The following KCND3 variants were observed in gnomAD, a reference collection of about 807,000 sequenced individuals.
KCND3 encodes the protein A-type voltage-gated potassium channel KCND3.
KCND3 carries 9 observed loss-of-function variants against 51.1 expected under a neutral mutation model. The observed-to-expected ratio is 0.18, with a 90% confidence interval of 0.11 to 0.31. The LOEUF is 0.31. Among genes scored for constraint, KCND3 ranks in the 10% least tolerant of loss-of-function variants. The pLI is 1.00. For missense variants in KCND3, 526 were observed against 903.8 expected, an observed-to-expected ratio of 0.58 and a Z score of 5.36; for synonymous variants, 349 against 368.0, an observed-to-expected ratio of 0.95 and a Z score of 0.59.
chr1:111,967,401 C>T (rs1000648455), intron 2 of KCND3, among the ~76,000 whole-genome samples: 11 of 152,158 alleles, frequency 7.2e-5, no homozygotes, highest in South Asian at 2.1e-4. Context: ...CCTGGCCCAA[C>T]GAGAGGCATC....
rs769492525 is a variant in KCND3 at position 111,982,427 on chromosome 1, C to T, written c.300G>A (p.Thr100=). The T allele has an allele frequency of 8.1e-6, 13 of 1,614,076 alleles. No homozygotes were observed. The highest frequency in any genetic ancestry group is 1.6e-4 in the Middle Eastern group (1 of 6,062). ...VFRCVLNFYR[T]GKLHYPRYEC... is the part of the protein sequence containing the mutation. ...CGTAGCGCGGGTAGTGCAGCTTCCC[C>T]GTGCGGTAGAAGTTGAGCACGCAGC... The change falls in exon 2 of 8, where the codon ACG becomes ACA. Residue 100 remains threonine (T), a synonymous_variant. Transcript: ENST00000302127. This position sits in a 1 kb window ranked among gnomAD's most constrained non-coding sequence, Gnocchi z 8.5.
chr1:111,956,810 A>G (rs1033934732), intron 2 of KCND3, among the ~76,000 whole-genome samples: 3 of 152,146 alleles, frequency 2.0e-5, no homozygotes, highest in African/African-American at 7.2e-5. Context: ...GCAAATGAGG[A>G]CAGTAGCCCT....
rs151164490 is a variant in KCND3 at position 111,777,143 on chromosome 1, C to G, written c.1649G>C (p.Arg550Pro). Reference protein sequence around the residue: ...PGLTTTCCSRRSKKTTHLPNS... With the variant: ...PGLTTTCCSRPSKKTTHLPNS... ...GGGCAGGTGTGTGGTCTTCTTACTA[C>G]GACGGGAGCAGCAGGTGGTAGTGAG... Residue 550 changes from arginine (R) to proline (P), a missense_variant, in exon 7 of 8, where the codon CGT becomes CCT. Around this residue, in one of 5 missense-constraint regions of KCND3, gnomAD observed 266 missense variants for 305.5 expected, o/e 0.87. Transcript: ENST00000302127. 1.2e-6 allele frequency: 2 copies of G among 1,614,160 alleles called. No individual in the cohort carries two copies. The highest frequency in any genetic ancestry group is 1.7e-6 in the Non-Finnish European group (2 of 1,180,032).
At chr1:111,824,676 G>A (rs528566056) in intron 2 of KCND3, among the ~76,000 whole-genome samples, 13 of 152,148 alleles carry the variant, frequency 8.5e-5, no homozygotes, top group South Asian at 4.1e-4. Context: ...TCAGAAAACC[G>A]ACCCTCAGGC....
At chr1:111,844,426 T>G (rs1667460654) in intron 2 of KCND3, among the ~76,000 whole-genome samples, 1 of 152,228 alleles carries the variant, frequency 6.6e-6, no homozygotes, top group Non-Finnish European at 1.5e-5. Flanking sequence ...TTTTGGTCTC[T>G]GTCATTTTTC....
intron 2 of KCND3, among the ~76,000 whole-genome samples, chr1:111,947,235 C>T (rs1672821560): frequency 6.6e-6 from 1 of 152,156 alleles, no homozygotes; most frequent in South Asian, 2.1e-4. Context: ...TGCCCAATTC[C>T]TGTGTTCTGG....
At chr1:111,888,790 A>G (rs1669689329) in intron 2 of KCND3, among the ~76,000 whole-genome samples, 1 of 152,044 alleles carries the variant, frequency 6.6e-6, no homozygotes, top group Admixed American at 6.6e-5. Flanking sequence ...TACCGAGAGA[A>G]GGAACAATGG....
chr1:111,781,544 C>T lies in KCND3; in HGVS notation c.1270-753G>A, dbSNP rs1293235096. ...ATATGGTTTTTTTATTTTTTTGAGA[C>T]GGAGTCTCGCTGTCACCCAGGCTGG... is the stretch of plus-strand genomic sequence containing the variant. On this transcript the variant is annotated intron_variant, in intron 3 of 7. Transcript: ENST00000302127. Among the ~76,000 whole-genome samples, 9 of 152,048 alleles carry T rather than the reference C, an allele frequency of 5.9e-5. No homozygotes were observed. The East Asian group carries it at 7.7e-4, about 13-fold the overall frequency.
intron 2 of KCND3, among the ~76,000 whole-genome samples, chr1:111,856,305 G>A (rs1193508092): frequency 6.6e-6 from 1 of 152,220 alleles, no homozygotes; most frequent in Non-Finnish European, 1.5e-5. Context: ...ACTGTGTGTG[G>A]CCCTGGTCAA....
chr1:111,849,938 TC>T (rs1183246330), intron 2 of KCND3, among the ~76,000 whole-genome samples: 3 of 152,070 alleles, frequency 2.0e-5, no homozygotes, highest in Middle Eastern at 3.2e-3. Context: ...CCCAGCCTCC[TC>T]CCCGTGGGCC....
intron 2 of KCND3, among the ~76,000 whole-genome samples, chr1:111,962,495 T>C (rs1365906249): frequency 6.6e-6 from 1 of 152,154 alleles, no homozygotes; most frequent in Non-Finnish European, 1.5e-5. Flanking sequence ...GTCCATTCAC[T>C]ACCTTCCCCA....
rs981822557 is a variant in KCND3, at chr1:111,861,287, T to C, written c.1107-74181A>G. On this transcript the variant is annotated intron_variant, in intron 2 of 7. Coordinates refer to ENST00000302127, the MANE Select transcript of KCND3 (RefSeq NM_001378969.1). ...CAGGCAAGGGTCCCTCGATGACCCA[T>C]AATAACCTGAGTTTACACCCTGGGT... Among the ~76,000 whole-genome samples the C allele has an allele frequency of 5.3e-5, 8 of 152,110 alleles. 1 individual carries two copies. The highest frequency in any genetic ancestry group is 4.2e-4 in the South Asian group (2 of 4,816).
intron 2 of KCND3, among the ~76,000 whole-genome samples, chr1:111,813,267 T>C (rs12401328): frequency 6.6e-6 from 1 of 152,216 alleles, no homozygotes; most frequent in South Asian, 2.1e-4. Flanking sequence ...AATTTCTGAT[T>C]CCAGCCTGAT....
intron 2 of KCND3, among the ~76,000 whole-genome samples, chr1:111,920,181 G>A (rs1301688178): frequency 6.6e-6 from 1 of 152,332 alleles, no homozygotes; most frequent in Admixed American, 6.5e-5. Context: ...ATCTGGGGAA[G>A]GTCATGCAGA....
intron 1 of KCND3, among the ~76,000 whole-genome samples, chr1:111,984,628 A>C (rs1241815613): frequency 6.6e-6 from 1 of 152,140 alleles, no homozygotes; most frequent in East Asian, 1.9e-4. Flanking sequence ...CACGACCTAC[A>C]AAATAAAGTC....
At chr1:111,786,215 G>A (rs1008025074) in intron 3 of KCND3, among the ~76,000 whole-genome samples, 6 of 152,392 alleles carry the variant, frequency 3.9e-5, no homozygotes, top group Non-Finnish European at 7.3e-5. Context: ...AGTTGGCTGA[G>A]TTGATGAGTT....
chr1:111,830,208 C>T (rs1365313912), intron 2 of KCND3, among the ~76,000 whole-genome samples: 1 of 152,200 alleles, frequency 6.6e-6, no homozygotes, highest in Non-Finnish European at 1.5e-5. Context: ...AATTAACAAA[C>T]AAATGAATGA....
Position 111,775,819 on chromosome 1 carries a change from A to ATCCCCCCCCCCCCCCCCCCCCCC in KCND3, c.*257_*258insGGGGGGGGGGGGGGGGGGGGGGA. The ATCCCCCCCCCCCCCCCCCCCCCC allele has an allele frequency of 1.0e-5, 1 of 97,706 alleles. No homozygotes were observed. Among genetic ancestry groups the ATCCCCCCCCCCCCCCCCCCCCCC allele is most frequent in the South Asian group, 1.9e-4 (1 of 5,202 alleles). The allele number at this position is 97,706 out of a possible 1,614,324, so 6.1% of individuals were successfully genotyped here. ...GCCTATATCCCCCGGCCTATCCCCG[A>ATCCCCCCCCCCCCCCCCCCCCCC]CCCCCCCACCCTCCCTCCCTTCCTC... On this transcript the variant is annotated 3_prime_UTR_variant, in exon 8 of 8. Transcript: ENST00000302127.
intron 2 of KCND3, among the ~76,000 whole-genome samples, chr1:111,814,000 A>G (rs1175449533): frequency 1.3e-5 from 2 of 152,158 alleles, no homozygotes; most frequent in African/African-American, 4.8e-5. Flanking sequence ...TTTTTACACA[A>G]TTTGCTGAAT....
Sources: gnomAD v4.1 joint callset for allele counts (sites outside exome capture counted in the v4.1 genomes callset) on GRCh38, gnomAD v4.1.1 for gene constraint, gnomAD v4.1.1 regional missense constraint, Gnocchi (gnomAD v3.1) non-coding constraint, MANE v1.5 for transcripts, NCBI Gene and HGNC (gene_info 2026-07-23, HGNC 2026-07-21) for gene names.